The following EPHA3 variants were observed in gnomAD, a reference collection of about 807,000 sequenced individuals.
The protein encoded by EPHA3 is ephrin type-A receptor 3.
In EPHA3, 42 loss-of-function variants were observed where a neutral mutation model predicts 107.1. The observed-to-expected ratio is 0.39, with a 90% CI of 0.31 to 0.51. The LOEUF (loss-of-function observed/expected upper bound fraction) is 0.51, where lower values mean the gene tolerates loss of function less well. EPHA3 is among the 20% of genes least tolerant of loss of function. The probability of loss-of-function intolerance (pLI) is 0.78; values close to 1 mark genes in which losing one functional copy is unlikely to be tolerated. For missense variants in EPHA3, 1,183 were observed against 1,211.2 expected, an observed-to-expected ratio of 0.98 and a Z score of 0.35; for synonymous variants, 461 against 424.8, an observed-to-expected ratio of 1.09 and a Z score of -1.05.
chr3:89,280,229 A>G (rs2107312950), intron 3 of EPHA3, among the ~76,000 whole-genome samples: 1 of 152,358 alleles, frequency 6.6e-6, no homozygotes, highest in South Asian at 2.1e-4. Flanking sequence ...ATACCATTTC[A>G]TAGAAAATAC....
chr3:89,166,407 A>G (rs9828218), intron 2 of EPHA3, among the ~76,000 whole-genome samples: 142,488 of 151,882 alleles, frequency 0.94, 66,819 homozygotes, highest in Admixed American at 0.96. Flanking sequence ...AAACACATGG[A>G]GAGGAAGGGT....
intron 3 of EPHA3, among the ~76,000 whole-genome samples, chr3:89,245,254 A>G (rs966635417): frequency 6.6e-6 from 1 of 152,194 alleles, no homozygotes; most frequent in Non-Finnish European, 1.5e-5. Context: ...AGTATAGAAT[A>G]TTGTTAAATT....
intron 7 of EPHA3, 179 bp downstream of exon 7, chr3:89,399,659 T>A: frequency 7.9e-7 from 1 of 1,268,812 alleles, no homozygotes. Flanking sequence ...TTTGTGTGGG[T>A]GTACATTTTG....
At chr3:89,132,898 A>G (rs1291021905) in intron 2 of EPHA3, among the ~76,000 whole-genome samples, 1 of 152,118 alleles carries the variant, frequency 6.6e-6, no homozygotes, top group Non-Finnish European at 1.5e-5. Context: ...TCTCAAAAAG[A>G]ATTTTTTTAA....
At chr3:89,333,753 T>A (rs1262317673) in intron 3 of EPHA3, among the ~76,000 whole-genome samples, 3 of 151,924 alleles carry the variant, frequency 2.0e-5, no homozygotes, top group Non-Finnish European at 4.4e-5. Flanking sequence ...GCGACTGTAG[T>A]CCCAGCTACC....
At chr3:89,213,461 A>T (rs998348986) in intron 3 of EPHA3, among the ~76,000 whole-genome samples, 4 of 152,040 alleles carry the variant, frequency 2.6e-5, no homozygotes, top group African/African-American at 9.7e-5. Flanking sequence ...ATGCATTGCA[A>T]ATAAAGATGT....
intron 3 of EPHA3, among the ~76,000 whole-genome samples, chr3:89,335,779 G>T (rs1707379455): frequency 6.6e-6 from 1 of 152,162 alleles, no homozygotes; most frequent in Admixed American, 6.5e-5. Context: ...CCACTTGAAA[G>T]ATTTTAAACT....
chr3:89,193,213 C>A (rs1244518237), intron 2 of EPHA3, among the ~76,000 whole-genome samples: 2 of 151,980 alleles, frequency 1.3e-5, no homozygotes, highest in East Asian at 3.9e-4. Context: ...AATGGTTAAT[C>A]TGTGAATAAA....
chr3:89,263,216 G>C (rs191059911), intron 3 of EPHA3, among the ~76,000 whole-genome samples: 10 of 151,928 alleles, frequency 6.6e-5, no homozygotes, highest in Admixed American at 2.6e-4. Context: ...TTGGTTTTCT[G>C]TTCCTGTGTT....
intron 2 of EPHA3, among the ~76,000 whole-genome samples, chr3:89,207,715 A>G (rs933958283): frequency 6.6e-6 from 1 of 152,176 alleles, no homozygotes; most frequent in African/African-American, 2.4e-5. Context: ...AATGGGCTTC[A>G]CAAGGGTTTT....
At chr3:89,231,880 G>T (rs969756411) in intron 3 of EPHA3, among the ~76,000 whole-genome samples, 3 of 152,190 alleles carry the variant, frequency 2.0e-5, no homozygotes, top group Admixed American at 2.0e-4. Context: ...ATGAAGAATG[G>T]ACAGTCATGT....
At chr3:89,308,800 G>T (rs150157093) in intron 3 of EPHA3, among the ~76,000 whole-genome samples, 2 of 151,894 alleles carry the variant, frequency 1.3e-5, no homozygotes, top group Non-Finnish European at 2.9e-5. Flanking sequence ...AATGAAACTC[G>T]GTAATCTTTT....
chr3:89,127,269 A>T lies in EPHA3; in HGVS notation c.149A>T (p.His50Leu). 1 of 1,611,596 alleles carries T rather than the reference A, an allele frequency of 6.2e-7. No individual in the cohort carries two copies. The highest frequency in any genetic ancestry group is 2.2e-5 in the East Asian group (1 of 44,778). Reference protein sequence around the residue: ...GELGWISYPSHGWEEISGVDE... With the variant: ...GELGWISYPSLGWEEISGVDE... The stretch of plus-strand genomic sequence containing the variant: ...CTGGGCTGGATCTCTTATCCATCAC[A>T]TGGGGTGAGTTCAATAAACTATCAC... The change falls in exon 2 of 17, where the codon CAT becomes CTT. Residue 50 changes from histidine to leucine, a missense_variant. His to Leu is a moderately conservative substitution (Grantham distance 99, BLOSUM62 -3). Coordinates refer to ENST00000336596, the MANE Select transcript of EPHA3 (RefSeq NM_005233.6).
intron 7 of EPHA3, among the ~76,000 whole-genome samples, chr3:89,406,501 T>C (rs913556141): frequency 6.6e-6 from 1 of 152,204 alleles, no homozygotes; most frequent in Non-Finnish European, 1.5e-5. Context: ...TAGCATAAAA[T>C]CAGTCATAGA....
chr3:89,359,893 A>G (rs1414710393), intron 5 of EPHA3, among the ~76,000 whole-genome samples: 1 of 148,166 alleles, frequency 6.7e-6, no homozygotes, highest in Non-Finnish European at 1.5e-5. Flanking sequence ...TGTTGCCCAC[A>G]TTCAAAATCA....
intron 2 of EPHA3, among the ~76,000 whole-genome samples, chr3:89,199,210 T>G (rs1484608982): frequency 6.6e-6 from 1 of 152,194 alleles, no homozygotes; most frequent in Non-Finnish European, 1.5e-5. Flanking sequence ...TAATGATTTA[T>G]TAGATTATTC....
intron 3 of EPHA3, among the ~76,000 whole-genome samples, chr3:89,306,065 T>A (rs1458787342): frequency 3.9e-5 from 6 of 152,126 alleles, no homozygotes; most frequent in Non-Finnish European, 8.8e-5. Context: ...ATCATTACTG[T>A]CCTTATCATT....
At chr3:89,340,508 A>C (rs1038316996) in intron 3 of EPHA3, among the ~76,000 whole-genome samples, 1 of 152,248 alleles carries the variant, frequency 6.6e-6, no homozygotes, top group African/African-American at 2.4e-5. Flanking sequence ...GCAATTAGAA[A>C]ACTAGTCAAT....
At chr3:89,127,744 C>T (rs1232630823) in intron 2 of EPHA3, among the ~76,000 whole-genome samples, 3 of 151,912 alleles carry the variant, frequency 2.0e-5, no homozygotes, top group African/African-American at 4.8e-5. Flanking sequence ...TTACTTGTTT[C>T]AAATGTCTAC....
Sources: allele counts gnomAD v4.1 joint callset (sites outside exome capture counted in the v4.1 genomes callset), GRCh38; gene constraint gnomAD v4.1.1; transcripts MANE v1.5; gene names NCBI Gene and HGNC (gene_info 2026-07-23, HGNC 2026-07-21).